ZNF385D: variants seen among roughly 807,000 people sequenced by gnomAD.
ZNF385D encodes the protein zinc finger protein 659.
In ZNF385D, 15 loss-of-function variants were observed where a neutral mutation model predicts 35.8. That is an observed-to-expected ratio of 0.42 (90% CI 0.28 to 0.64). The LOEUF (loss-of-function observed/expected upper bound fraction) is 0.64. ZNF385D is among the 30% of genes least tolerant of loss of function. The probability of loss-of-function intolerance (pLI) is 0.23; values close to 1 mark genes in which losing one functional copy is unlikely to be tolerated. For missense variants in ZNF385D, 474 were observed against 494.6 expected (o/e 0.96, Z 0.39); for synonymous variants, 212 against 186.8 (o/e 1.13, Z -1.10).
At chr3:21,723,292 G>C (rs2068616728) in intron 1 of ZNF385D, among the ~76,000 whole-genome samples, 1 of 152,174 alleles carries the variant, frequency 6.6e-6, no homozygotes, top group African/African-American at 2.4e-5. Context: ...AAACTGCATG[G>C]AGAATAAGTT....
At chr3:22,119,983 TTTTTC>T (rs768115488) in intron 3 of ZNF385D, among the ~76,000 whole-genome samples, 6 of 104,384 alleles carry the variant, frequency 5.7e-5, no homozygotes, top group Non-Finnish European at 1.1e-4. Flanking sequence ...TACTCAATTT[TTTTTC>T]TTTTTTCTTT....
rs147730132 is a variant in ZNF385D at position 22,077,940 on chromosome 3, T to A, written c.325+90877A>T. Reference sequence around the variant, plus strand: ...ATACCTGAAACCTGACTGTGGAGTATCTGCACTGATGGCTGACAACCTGAA... The same window carrying A: ...ATACCTGAAACCTGACTGTGGAGTAACTGCACTGATGGCTGACAACCTGAA... On this transcript the variant is annotated intron_variant, in intron 3 of 5. Transcript: ENST00000494108. Among the ~76,000 whole-genome samples, 3 of 152,090 alleles carry A rather than the reference T, an allele frequency of 2.0e-5. No homozygotes were observed. The East Asian group carries it at 5.8e-4, about 29-fold the overall frequency.
chr3:21,766,860 G>A (rs11921606), intron 3 of ZNF385D, among the ~76,000 whole-genome samples: 125,226 of 152,058 alleles, frequency 0.82, 51,841 homozygotes, highest in East Asian at 0.98. Flanking sequence ...AGGTGAACCA[G>A]TGTACTGGAA....
At chr3:21,979,308 CAT>C (rs1426926653) in intron 3 of ZNF385D, among the ~76,000 whole-genome samples, 2 of 152,140 alleles carry the variant, frequency 1.3e-5, no homozygotes, top group Non-Finnish European at 2.9e-5. Flanking sequence ...TTTAACCCCA[CAT>C]GTCACTATTA....
chr3:21,474,902 A>G (rs1386222759), intron 4 of ZNF385D, among the ~76,000 whole-genome samples: 2 of 152,084 alleles, frequency 1.3e-5, no homozygotes, highest in Non-Finnish European at 2.9e-5. Context: ...GGACTAAGAC[A>G]TATCTGGTGT....
chr3:22,346,338 C>T (rs1267423247), intron 2 of ZNF385D, among the ~76,000 whole-genome samples: 1 of 152,076 alleles, frequency 6.6e-6, no homozygotes, highest in Non-Finnish European at 1.5e-5. Flanking sequence ...GAAAAAAAGG[C>T]AATCTGGATT....
chr3:22,062,504 T>C (rs946508869), intron 3 of ZNF385D, among the ~76,000 whole-genome samples: 1 of 152,228 alleles, frequency 6.6e-6, no homozygotes, highest in Non-Finnish European at 1.5e-5. Flanking sequence ...TCATGAAAGT[T>C]GTTTCAATTA....
intron 1 of ZNF385D, among the ~76,000 whole-genome samples, chr3:21,671,337 A>C (rs905447093): frequency 6.6e-6 from 1 of 152,166 alleles, no homozygotes; most frequent in African/African-American, 2.4e-5. Context: ...CAGTTAAAAA[A>C]GCAAAACTTG....
chr3:21,600,918 A>C (rs1361398809), intron 2 of ZNF385D, among the ~76,000 whole-genome samples: 1 of 152,056 alleles, frequency 6.6e-6, no homozygotes, highest in Non-Finnish European at 1.5e-5. Context: ...AAGATAATGA[A>C]ATTAAAGATT....
chr3:22,143,063 G>GTT (rs1286325226), intron 3 of ZNF385D, among the ~76,000 whole-genome samples: 1 of 33,036 alleles, frequency 3.0e-5, no homozygotes, highest in South Asian at 7.7e-4. Flanking sequence ...AATCGGTTGT[G>GTT]TGTGTGTGTG....
At chr3:21,574,909 C>G (rs1302016373) in intron 2 of ZNF385D, among the ~76,000 whole-genome samples, 2 of 151,712 alleles carry the variant, frequency 1.3e-5, no homozygotes, top group African/African-American at 4.9e-5. Flanking sequence ...ACACACCAAA[C>G]TCCTTGTTGT....
chr3:22,360,501 T>C (rs1022753652), intron 2 of ZNF385D, among the ~76,000 whole-genome samples: 8 of 152,110 alleles, frequency 5.3e-5, no homozygotes, highest in African/African-American at 1.9e-4. Context: ...TACTCGAGGA[T>C]AATCATCCAA....
At chr3:21,759,620 T>C (rs529245798) in intron 3 of ZNF385D, among the ~76,000 whole-genome samples, 1 of 152,332 alleles carries the variant, frequency 6.6e-6, no homozygotes, top group East Asian at 1.9e-4. Flanking sequence ...CTGAAAGATC[T>C]TATACACTTC....
intron 2 of ZNF385D, among the ~76,000 whole-genome samples, chr3:21,587,419 C>A (rs1330699644): frequency 6.6e-6 from 1 of 152,068 alleles, no homozygotes; most frequent in Non-Finnish European, 1.5e-5. Flanking sequence ...TTTAAGTCAG[C>A]AATACCTTTT....
At chr3:21,958,513 C>T (rs2125312948) in intron 3 of ZNF385D, among the ~76,000 whole-genome samples, 1 of 152,058 alleles carries the variant, frequency 6.6e-6, no homozygotes, top group East Asian at 1.9e-4. Flanking sequence ...TGAATAGGGG[C>T]TCTTATTTTG....
intron 3 of ZNF385D, among the ~76,000 whole-genome samples, chr3:21,909,206 G>A (rs571914802): frequency 1.3e-5 from 2 of 151,948 alleles, no homozygotes; most frequent in African/African-American, 2.4e-5. Context: ...GATATAATAC[G>A]GTCCACATAT....
intron 3 of ZNF385D, among the ~76,000 whole-genome samples, chr3:22,004,702 C>T (rs73048166): frequency 2.8e-3 from 419 of 152,258 alleles, no homozygotes; most frequent in Non-Finnish European, 3.3e-3. Context: ...CATCCTTCTG[C>T]TCACTGAGAT....
At chr3:22,245,370 T>C (rs1225907395) in intron 2 of ZNF385D, among the ~76,000 whole-genome samples, 2 of 151,734 alleles carry the variant, frequency 1.3e-5, no homozygotes, top group Non-Finnish European at 2.9e-5. Flanking sequence ...AAGGAAAGCA[T>C]GCTGCTACTT....
intron 3 of ZNF385D, among the ~76,000 whole-genome samples, chr3:22,072,265 C>T (rs1700265235): frequency 1.3e-5 from 2 of 151,840 alleles, no homozygotes; most frequent in South Asian, 2.1e-4. Context: ...TAGACATGGG[C>T]GAAAGCCATG....
Sources: allele counts gnomAD v4.1 joint callset (sites outside exome capture counted in the v4.1 genomes callset), GRCh38; gene constraint gnomAD v4.1.1; transcripts MANE v1.5; gene names NCBI Gene and HGNC (gene_info 2026-07-23, HGNC 2026-07-21).